DCDC1: variants seen among roughly 807,000 people sequenced by gnomAD.
DCDC1 encodes the protein doublecortin domain-containing protein 1.
DCDC1 carries 200 observed loss-of-function variants against 178.3 expected under a neutral mutation model. The ratio of observed to expected loss-of-function variants is 1.12; its 90% CI spans 1.00 to 1.26. The LOEUF (loss-of-function observed/expected upper bound fraction) is 1.26, where lower values mean the gene tolerates loss of function less well. DCDC1 is among the 50% of genes most tolerant of loss of function. The pLI, the probability that DCDC1 is intolerant of heterozygous loss-of-function variation, is 0.00. For synonymous variants in DCDC1, 690 were observed against 604.8 expected (o/e 1.14, Z -2.07); for missense variants, 1,983 against 1,749.2 (o/e 1.13, Z -2.38).
intron 7 of DCDC1, among the ~76,000 whole-genome samples, chr11:31,270,243 T>C (rs779163842): frequency 4.6e-5 from 7 of 152,218 alleles, no homozygotes; most frequent in South Asian, 2.1e-4. Flanking sequence ...AGATGAATCA[T>C]ACTTTGTGAT....
chr11:31,046,340 C>T (rs967729077), intron 20 of DCDC1, among the ~76,000 whole-genome samples: 1 of 151,902 alleles, frequency 6.6e-6, no homozygotes, highest in Non-Finnish European at 1.5e-5. Flanking sequence ...ATAGGAAAAG[C>T]CTTTCTGCTT....
At chr11:31,356,903 T>C (rs1483107097) in intron 1 of DCDC1, among the ~76,000 whole-genome samples, 1 of 152,090 alleles carries the variant, frequency 6.6e-6, no homozygotes, top group Non-Finnish European at 1.5e-5. Flanking sequence ...GTTGAATCTC[T>C]GAATAGACCA....
intron 9 of DCDC1, among the ~76,000 whole-genome samples, chr11:31,146,102 T>G (rs1422319868): frequency 6.7e-6 from 1 of 149,284 alleles, no homozygotes; most frequent in Non-Finnish European, 1.5e-5. Context: ...AGAAGGAGTC[T>G]CGCTCTGTTG....
chr11:31,044,920 G>T (rs601305), intron 20 of DCDC1, among the ~76,000 whole-genome samples: 18,742 of 152,168 alleles, frequency 0.12, 1,349 homozygotes, highest in East Asian at 0.29. Flanking sequence ...ATACCATGTG[G>T]TGCTGATGTT....
chr11:30,918,199 T>G (rs1358127632), intron 25 of DCDC1, among the ~76,000 whole-genome samples: 2 of 152,178 alleles, frequency 1.3e-5, no homozygotes, highest in South Asian at 2.1e-4. Context: ...CAAATCCAGA[T>G]GTTTAACTTT....
At chr11:31,017,227 C>A (rs11031265) in intron 20 of DCDC1, among the ~76,000 whole-genome samples, 5,547 of 152,174 alleles carry the variant, frequency 0.036, 338 homozygotes, top group African/African-American at 0.12. Context: ...CACTTACATG[C>A]AGATTTTCTT....
intron 33 of DCDC1, 75 bp downstream of exon 33, chr11:30,900,271 C>T (rs547968575): frequency 2.4e-4 from 299 of 1,262,062 alleles, no homozygotes; most frequent in Non-Finnish European, 2.9e-4. Flanking sequence ...AATTCATTTT[C>T]TTATGATGGC....
At chr11:31,220,846 T>A (rs1163188876) in intron 9 of DCDC1, among the ~76,000 whole-genome samples, 1 of 152,174 alleles carries the variant, frequency 6.6e-6, no homozygotes. Context: ...TATGGTCAAG[T>A]TCTTTCGAGG....
At chr11:31,243,175 G>A (rs1409682557) in intron 8 of DCDC1, among the ~76,000 whole-genome samples, 1 of 151,288 alleles carries the variant, frequency 6.6e-6, no homozygotes, top group Non-Finnish European at 1.5e-5. Flanking sequence ...AAAGATAAAC[G>A]AGCTTATATT....
chr11:31,150,095 G>A (rs942651390), intron 9 of DCDC1, among the ~76,000 whole-genome samples: 3 of 152,128 alleles, frequency 2.0e-5, no homozygotes, highest in Admixed American at 2.0e-4. Context: ...AACAGCTATC[G>A]TTTGTTGATT....
intron 17 of DCDC1, among the ~76,000 whole-genome samples, chr11:31,082,523 G>A (rs1565259555): frequency 6.6e-6 from 1 of 151,756 alleles, no homozygotes; most frequent in East Asian, 1.9e-4. Context: ...GTCTATATAG[G>A]TAATATAGAT....
chr11:31,307,470 A>T, intron 4 of DCDC1, 169 bp downstream of exon 4: 1 of 795,032 alleles, frequency 1.3e-6, no homozygotes, highest in Non-Finnish European at 1.9e-6. Flanking sequence ...AGTGTAATTA[A>T]CAACATTCTA....
chr11:30,881,047 G>T, intron 37 of DCDC1, 111 bp downstream of exon 37: 1 of 1,228,810 alleles, frequency 8.1e-7, no homozygotes, highest in East Asian at 2.5e-5. Flanking sequence ...AGAAATGCTT[G>T]GGAGGGGATA....
intron 36 of DCDC1, among the ~76,000 whole-genome samples, chr11:30,888,673 C>G (rs1044127497): frequency 6.6e-6 from 1 of 151,930 alleles, no homozygotes; most frequent in East Asian, 1.9e-4. Context: ...GCTAAGATAG[C>G]GCCATTGCAC....
At chr11:31,198,492 A>G (rs1425063726) in intron 9 of DCDC1, among the ~76,000 whole-genome samples, 1 of 152,044 alleles carries the variant, frequency 6.6e-6, no homozygotes, top group African/African-American at 2.4e-5. Context: ...GGCCACATCA[A>G]AATATAATAT....
chr11:31,088,093 A>C (rs1957589754), intron 17 of DCDC1, among the ~76,000 whole-genome samples: 1 of 152,088 alleles, frequency 6.6e-6, no homozygotes, highest in Non-Finnish European at 1.5e-5. Context: ...TATTCTTTTT[A>C]CTGACGTCTA....
chr11:31,324,427 T>A (rs1949540674), intron 3 of DCDC1, among the ~76,000 whole-genome samples: 1 of 152,054 alleles, frequency 6.6e-6, no homozygotes, highest in African/African-American at 2.4e-5. Context: ...AGAAGAAATT[T>A]AAATTTTCAA....
At chr11:31,101,774 TAG>T (rs1958515976) in intron 15 of DCDC1, among the ~76,000 whole-genome samples, 3 of 74,540 alleles carry the variant, frequency 4.0e-5, no homozygotes, top group Non-Finnish European at 7.3e-5. Context: ...ATATAATTTA[TAG>T]TTTAAAAAAA....
At chr11:31,216,805 C>A (rs1004609930) in intron 9 of DCDC1, among the ~76,000 whole-genome samples, 1 of 152,190 alleles carries the variant, frequency 6.6e-6, no homozygotes, top group Admixed American at 6.6e-5. Flanking sequence ...TTTCCCACCT[C>A]TGAACCTCAT....
Sources: gnomAD v4.1 joint callset for allele counts (sites outside exome capture counted in the v4.1 genomes callset) on GRCh38, gnomAD v4.1.1 for gene constraint, MANE v1.5 for transcripts, NCBI Gene and HGNC (gene_info 2026-07-23, HGNC 2026-07-21) for gene names.